Variants in BRWD3 observed in about 807,000 individuals in gnomAD.
The protein encoded by BRWD3 is bromodomain and WD repeat-containing protein 3.
Under a neutral mutation model 149.7 loss-of-function variants are expected in BRWD3, and 10 were observed. The ratio of observed to expected loss-of-function variants is 0.07; its 90% CI spans 0.04 to 0.11. The LOEUF (loss-of-function observed/expected upper bound fraction) is 0.11. Ranked by LOEUF, BRWD3 falls within the 10% of genes least tolerant of loss-of-function variation. BRWD3 has a pLI of 1.00. For missense variants in BRWD3, 940 were observed against 1,373.2 expected (o/e 0.68, Z 4.99); for synonymous variants, 504 against 456.7 (o/e 1.10, Z -1.32).
intron 12 of BRWD3, among the ~76,000 whole-genome samples, chrX:80,731,838 T>C (rs1182490524): frequency 4.5e-5 from 4 of 89,179 alleles, no homozygotes; most frequent in Non-Finnish European, 8.4e-5. Context: ...GAGCTTGCAG[T>C]GAGCCGAGAT....
At chrX:80,809,178 G>A (rs2074383485) in intron 2 of BRWD3, 68 bp downstream of exon 2, 4 of 1,151,542 alleles carry the variant, frequency 3.5e-6, no homozygotes, top group Non-Finnish European at 4.7e-6. Context: ...GGAACTGCTC[G>A]TCCCGCTGCC....
At chrX:80,781,498 C>A (rs188540038) in intron 6 of BRWD3, among the ~76,000 whole-genome samples, 13 of 110,990 alleles carry the variant, frequency 1.2e-4, no homozygotes, top group Admixed American at 4.9e-4. Context: ...GTCTCTCAGT[C>A]CCCCCTCTCA....
intron 34 of BRWD3, among the ~76,000 whole-genome samples, chrX:80,687,264 T>C (rs2072541522): frequency 9.0e-6 from 1 of 111,277 alleles, no homozygotes; most frequent in Non-Finnish European, 1.9e-5. Context: ...TCAAATAATG[T>C]ACAGAGGAAC....
At chrX:80,688,252 G>A (rs1046536278) in intron 33 of BRWD3, 127 bp from the exon 34 acceptor site, 93 of 546,947 alleles carry the variant, frequency 1.7e-4, no homozygotes, top group Non-Finnish European at 2.5e-5. Context: ...GCAGCAAGTA[G>A]AACAAAAGAT....
chrX:80,758,392 G>A (rs896150687), intron 6 of BRWD3, among the ~76,000 whole-genome samples: 6 of 111,187 alleles, frequency 5.4e-5, no homozygotes, highest in African/African-American at 1.6e-4. Flanking sequence ...TGCAGTGATG[G>A]TGATACTCTG....
At chrX:80,694,478 G>A (rs920201709) in intron 27 of BRWD3, among the ~76,000 whole-genome samples, 5 of 110,517 alleles carry the variant, frequency 4.5e-5, no homozygotes, top group Admixed American at 9.6e-5. Flanking sequence ...CACCGACAAC[G>A]TGCGCCGTGT....
chrX:80,709,953 T>C, intron 20 of BRWD3: 1 of 984,533 alleles, frequency 1.0e-6, no homozygotes, highest in South Asian at 1.9e-5. Flanking sequence ...GACAATGATA[T>C]CATTGTCTGG....
Position 80,809,791 on chromosome X carries a change from G to GAGAGAGAC in BRWD3, c.-321_-320insGTCTCTCT. 2 of 121,872 alleles carry GAGAGAGAC rather than the reference G, an allele frequency of 1.6e-5. No homozygotes were observed. Among genetic ancestry groups the GAGAGAGAC allele is most frequent in the Non-Finnish European group, 3.0e-5 (2 of 66,915 alleles). The allele number at this position is 121,872 out of a possible 1,213,427, so 10.0% of individuals were successfully genotyped here. On this transcript the variant is annotated 5_prime_UTR_variant, in exon 1 of 41. Transcript: ENST00000373275. ...AGAGAGAGAGAGAGAGAGAGAGAGA[G>GAGAGAGAC]AGAGAGAGAGAGACGCGGGGGGTGG... is the stretch of plus-strand genomic sequence containing the variant.
chrX:80,766,613 C>A (rs2073860628), intron 6 of BRWD3, among the ~76,000 whole-genome samples: 2 of 112,225 alleles, frequency 1.8e-5, no homozygotes, highest in African/African-American at 6.5e-5. Context: ...GCTACAGCCA[C>A]TCTTAAAACA....
intron 6 of BRWD3, among the ~76,000 whole-genome samples, chrX:80,773,317 A>C (rs1487077040): frequency 9.0e-6 from 1 of 110,855 alleles, no homozygotes; most frequent in African/African-American, 3.3e-5. Context: ...CAACCTCAGC[A>C]CCTTTGTTTC....
At chrX:80,788,874 G>A (rs902555192) in intron 6 of BRWD3, among the ~76,000 whole-genome samples, 10 of 112,018 alleles carry the variant, frequency 8.9e-5, no homozygotes, top group African/African-American at 3.2e-4. Flanking sequence ...ATTTAATTTA[G>A]ATGACATTTT....
chrX:80,759,948 T>C (rs182685916), intron 6 of BRWD3, among the ~76,000 whole-genome samples: 6 of 111,719 alleles, frequency 5.4e-5, no homozygotes, highest in Admixed American at 9.6e-5. Context: ...TTTTGGTCTA[T>C]AGATTCCTAA....
intron 6 of BRWD3, among the ~76,000 whole-genome samples, chrX:80,782,957 A>G (rs1158139929): frequency 5.7e-5 from 6 of 104,749 alleles, no homozygotes; most frequent in Non-Finnish European, 9.6e-5. Context: ...AACTCAATAG[A>G]AAAAAAAAAT....
intron 6 of BRWD3, among the ~76,000 whole-genome samples, chrX:80,768,446 A>G (rs1320390038): frequency 2.7e-5 from 3 of 111,760 alleles, no homozygotes; most frequent in African/African-American, 9.8e-5. Context: ...AAAGAAAAGA[A>G]TTTTCAACCC....
rs565895344 is a variant in BRWD3 at position 80,777,072 on chromosome X, C to CAAAA, written c.430+14778_430+14781dup. On this transcript the variant is annotated intron_variant, in intron 6 of 40. Coordinates refer to ENST00000373275, the MANE Select transcript of BRWD3 (RefSeq NM_153252.5). ...TGGTCCTTAGTTGATTATGCTTAAA[C>CAAAA]AAAAAAAAAAAATGCATTTTGAATT... Among the ~76,000 whole-genome samples, 4 of 97,026 alleles carry CAAAA rather than the reference C, an allele frequency of 4.1e-5. 1 individual carries two copies. In the South Asian group the frequency reaches 1.9e-3, roughly 45 times the overall value. 84.3% of individuals were successfully genotyped at this position (97,026 alleles called of 115,157 possible). A position where few individuals can be genotyped will look rare whatever the true frequency, so the allele number is the denominator to read the frequency against.
intron 31 of BRWD3, 124 bp downstream of exon 31, chrX:80,690,929 A>T: frequency 7.2e-6 from 6 of 828,126 alleles, no homozygotes; most frequent in Non-Finnish European, 8.6e-6. Flanking sequence ...CTAAATTTTT[A>T]AAGGAAATTT....
chrX:80,686,399 T>C (rs2072525310), intron 35 of BRWD3, among the ~76,000 whole-genome samples: 2 of 108,021 alleles, frequency 1.9e-5, no homozygotes, highest in African/African-American at 6.7e-5. Context: ...TGTGCACATG[T>C]ACCCTAGAAC....
Position 80,696,880 on chromosome X carries a change from C to A in BRWD3, c.2944-17G>T, listed in dbSNP as rs2072707363. Reference sequence around the variant, plus strand: ...CTCTTGCTCCTATTCATGAGAATACCAATAAATTATTACTTTCAATATAAT... The same window carrying A: ...CTCTTGCTCCTATTCATGAGAATACAAATAAATTATTACTTTCAATATAAT... On this transcript the variant is annotated splice_polypyrimidine_tract_variant and intron_variant, in intron 25 of 40. Coordinates refer to ENST00000373275, the MANE Select transcript of BRWD3 (RefSeq NM_153252.5). 6 of 1,146,819 alleles carry A rather than the reference C, an allele frequency of 5.2e-6. No individual in the cohort carries two copies. The highest frequency in any genetic ancestry group is 2.4e-4 in the Middle Eastern group (1 of 4,191). The allele number at this position is 1,146,819 out of a possible 1,213,427, so 94.5% of individuals were successfully genotyped here.
chrX:80,713,692 A>AAAT (rs1210979985), intron 20 of BRWD3, among the ~76,000 whole-genome samples: 2 of 111,423 alleles, frequency 1.8e-5, no homozygotes, highest in African/African-American at 6.5e-5. Flanking sequence ...ATCAATAAAA[A>AAAT]AATAAAAAAT....
Sources: allele counts gnomAD v4.1 joint callset (sites outside exome capture counted in the v4.1 genomes callset), GRCh38; gene constraint gnomAD v4.1.1; transcripts MANE v1.5; gene names NCBI Gene and HGNC (gene_info 2026-07-23, HGNC 2026-07-21).